AFF2: variants seen among roughly 807,000 people sequenced by gnomAD.
The protein encoded by AFF2 is ALF transcription elongation factor 2, also known as AF4/FMR2 family member 2.
In AFF2, 14 loss-of-function variants were observed where a neutral mutation model predicts 76.9. That is an observed-to-expected ratio of 0.18 (90% CI 0.12 to 0.28). The LOEUF (loss-of-function observed/expected upper bound fraction) is 0.28, where lower values mean the gene tolerates loss of function less well. AFF2 is among the 10% of genes least tolerant of loss of function. The pLI, the probability that AFF2 is intolerant of heterozygous loss-of-function variation, is 1.00. For synonymous variants in AFF2, 398 were observed against 366.7 expected (o/e 1.09, Z -0.98); for missense variants, 868 against 1,001.1 (o/e 0.87, Z 1.79).
chrX:148,600,484 G>A (rs1207906976), intron 1 of AFF2, among the ~76,000 whole-genome samples: 1 of 111,655 alleles, frequency 9.0e-6, no homozygotes, highest in Non-Finnish European at 1.9e-5. Flanking sequence ...TGGTCAAGTC[G>A]ACGGGCGTTA....
chrX:148,795,845 A>ATG (rs2069972794), intron 3 of AFF2, among the ~76,000 whole-genome samples: 2 of 30,634 alleles, frequency 6.5e-5, no homozygotes, highest in African/African-American at 1.4e-4. Context: ...ATATATATAT[A>ATG]TATATATATA....
At chrX:148,833,418 T>C (rs1349660200) in intron 4 of AFF2, among the ~76,000 whole-genome samples, 4 of 110,147 alleles carry the variant, frequency 3.6e-5, no homozygotes, top group African/African-American at 1.3e-4. Context: ...CTGGCCAATA[T>C]GGTGAAACCC....
At chrX:148,706,135 G>T (rs1380851161) in intron 3 of AFF2, among the ~76,000 whole-genome samples, 1 of 112,052 alleles carries the variant, frequency 8.9e-6, no homozygotes, top group Non-Finnish European at 1.9e-5. Context: ...TTCAGTGCAA[G>T]AATCATTTGT....
chrX:148,938,363 C>T (rs1477612874), intron 9 of AFF2, among the ~76,000 whole-genome samples: 1 of 112,124 alleles, frequency 8.9e-6, no homozygotes, highest in Non-Finnish European at 1.9e-5. Flanking sequence ...TGAGACTCTC[C>T]TTATATTTAC....
intron 4 of AFF2, among the ~76,000 whole-genome samples, chrX:148,811,214 C>T (rs2070198419): frequency 9.0e-6 from 1 of 111,034 alleles, no homozygotes; most frequent in African/African-American, 3.3e-5. Context: ...TCAGGTGGAA[C>T]AGTTTCATCC....
intron 7 of AFF2, among the ~76,000 whole-genome samples, chrX:148,861,871 TG>T (rs1241557135): frequency 2.7e-5 from 3 of 111,699 alleles, no homozygotes; most frequent in Non-Finnish European, 5.6e-5. Flanking sequence ...TTCAAAATTT[TG>T]GGGGCTTTAT....
At chrX:148,727,243 G>A (rs2055168855) in intron 3 of AFF2, among the ~76,000 whole-genome samples, 1 of 109,476 alleles carries the variant, frequency 9.1e-6, no homozygotes, top group African/African-American at 3.3e-5. Flanking sequence ...GAGCTATTTT[G>A]CTCTCAACTT....
At chrX:148,940,604 TAA>T (rs1377746893) in intron 9 of AFF2, among the ~76,000 whole-genome samples, 1 of 111,916 alleles carries the variant, frequency 8.9e-6, no homozygotes, top group African/African-American at 3.2e-5. Context: ...GTGAAATGCC[TAA>T]GTTTGTTTCC....
At chrX:148,592,249 G>A (rs1486165324) in intron 1 of AFF2, among the ~76,000 whole-genome samples, 1 of 111,739 alleles carries the variant, frequency 8.9e-6, no homozygotes, top group Non-Finnish European at 1.9e-5. Flanking sequence ...TTTGTCCCAG[G>A]ATTAGCAGGT....
At chrX:148,897,227 A>C (rs1251926945) in intron 8 of AFF2, among the ~76,000 whole-genome samples, 2 of 10,693 alleles carry the variant, frequency 1.9e-4, no homozygotes, top group Non-Finnish European at 3.5e-4. Context: ...TCCACTATAT[A>C]TATATATATA....
intron 1 of AFF2, among the ~76,000 whole-genome samples, chrX:148,614,709 C>CTTTCTT (rs1557249957): frequency 6.6e-4 from 29 of 44,154 alleles, no homozygotes; most frequent in African/African-American, 3.6e-3. Context: ...TTCTTTCTTT[C>CTTTCTT]TTTCTTTCTT....
chrX:148,518,963 T>C (rs1557234178), intron 1 of AFF2, among the ~76,000 whole-genome samples: 1 of 112,091 alleles, frequency 8.9e-6, no homozygotes, highest in African/African-American at 3.2e-5. Flanking sequence ...AACAGCATCA[T>C]ACATCAAAAT....
intron 1 of AFF2, among the ~76,000 whole-genome samples, chrX:148,523,390 A>G (rs782515479): frequency 8.9e-6 from 1 of 112,089 alleles, no homozygotes; most frequent in Non-Finnish European, 1.9e-5. Context: ...GGGACAGAGG[A>G]TTAATTAACT....
intron 3 of AFF2, among the ~76,000 whole-genome samples, chrX:148,679,462 T>A (rs2124487504): frequency 9.0e-6 from 1 of 111,169 alleles, no homozygotes; most frequent in South Asian, 3.8e-4. Flanking sequence ...CTATTTAATT[T>A]GTACAGTGTT....
At chrX:148,909,664 G>T (rs2071447952) in intron 9 of AFF2, among the ~76,000 whole-genome samples, 1 of 111,713 alleles carries the variant, frequency 9.0e-6, no homozygotes, top group African/African-American at 3.3e-5. Flanking sequence ...TACCTCTGAG[G>T]GTAAGACTCA....
chrX:148,503,681 C>T (rs782300157), intron 1 of AFF2, among the ~76,000 whole-genome samples: 2 of 112,221 alleles, frequency 1.8e-5, no homozygotes, highest in Non-Finnish European at 3.8e-5. Context: ...CTGTAGTAAA[C>T]AAAAAGTGTG....
chrX:148,563,616 A>G (rs1163754117), intron 1 of AFF2, among the ~76,000 whole-genome samples: 1 of 112,299 alleles, frequency 8.9e-6, no homozygotes, highest in Non-Finnish European at 1.9e-5. Flanking sequence ...CTTTATGCTT[A>G]TATAACTCGG....
intron 3 of AFF2, among the ~76,000 whole-genome samples, chrX:148,773,255 G>A (rs1318240465): frequency 9.0e-6 from 1 of 111,028 alleles, no homozygotes; most frequent in Non-Finnish European, 1.9e-5. Context: ...ATCATATTTA[G>A]ATATCATGCA....
chrX:148,714,871 G>T (rs1291593243), intron 3 of AFF2, among the ~76,000 whole-genome samples: 1 of 111,741 alleles, frequency 8.9e-6, no homozygotes, highest in Non-Finnish European at 1.9e-5. Context: ...ACAAACATTT[G>T]CTATATACCT....
Sources: allele counts gnomAD v4.1 joint callset (sites outside exome capture counted in the v4.1 genomes callset), GRCh38; gene constraint gnomAD v4.1.1; transcripts MANE v1.5; gene names NCBI Gene and HGNC (gene_info 2026-07-23, HGNC 2026-07-21).